Variants in TLE2 observed in about 807,000 individuals in gnomAD.
TLE2 encodes TLE family member 2, transcriptional corepressor, also known as transducin-like enhancer protein 2.
A neutral mutation model predicts 97.2 loss-of-function variants in TLE2; 74 were observed. That is an observed-to-expected ratio of 0.76 (90% CI 0.63 to 0.92). The LOEUF (loss-of-function observed/expected upper bound fraction) is 0.92, where lower values mean the gene tolerates loss of function less well. Ranked by LOEUF, TLE2 falls within the 40% of genes least tolerant of loss-of-function variation. The pLI, the probability that TLE2 is intolerant of heterozygous loss-of-function variation, is 0.00. For synonymous variants in TLE2, 499 were observed against 432.1 expected, an observed-to-expected ratio of 1.15 and a Z score of -1.92; for missense variants, 1,038 against 1,008.7, an observed-to-expected ratio of 1.03 and a Z score of -0.39.
intron 8 of TLE2, among the ~76,000 whole-genome samples, chr19:3,017,335 G>A (rs1381290692): frequency 6.6e-6 from 1 of 151,014 alleles, no homozygotes; most frequent in Non-Finnish European, 1.5e-5. Context: ...ACAGGGTTTT[G>A]CCATGTTGGC....
intron 4 of TLE2, 39 bp downstream of exon 4, chr19:3,027,790 A>C (rs1469118564): frequency 6.3e-7 from 1 of 1,591,440 alleles, no homozygotes; most frequent in Non-Finnish European, 8.6e-7. Flanking sequence ...CCAGACCCCC[A>C]CCCTCCCTCC....
intron 18 of TLE2, among the ~76,000 whole-genome samples, chr19:3,002,047 C>CT (rs1249148927): frequency 2.0e-5 from 3 of 152,204 alleles, no homozygotes; most frequent in Non-Finnish European, 4.4e-5. Flanking sequence ...ATCTGCCTGC[C>CT]TTGGCCTCCC....
At chr19:3,008,833 G>C in intron 14 of TLE2, 36 bp downstream of exon 14, 1 of 1,489,890 alleles carries the variant, frequency 6.7e-7, no homozygotes. Flanking sequence ...GGGCTGGCCC[G>C]GGACCCCAGG....
intron 1 of TLE2, among the ~76,000 whole-genome samples, chr19:3,041,522 G>A (rs1298009165): frequency 6.6e-6 from 1 of 152,070 alleles, no homozygotes; most frequent in African/African-American, 2.4e-5. Context: ...ACCCTCCTCG[G>A]CTCAAATGTC....
At chr19:3,009,760 A>C (rs2089553416) in intron 12 of TLE2, 58 bp from the exon 13 acceptor site, 5 of 1,543,164 alleles carry the variant, frequency 3.2e-6, no homozygotes, top group Non-Finnish European at 4.4e-6. Flanking sequence ...CCCGCCTCCC[A>C]CTGCCTTGGG....
intron 2 of TLE2, 76 bp from the exon 3 acceptor site, chr19:3,028,458 C>A (rs1454903662): frequency 1.0e-5 from 15 of 1,433,134 alleles, no homozygotes; most frequent in African/African-American, 1.4e-5. Flanking sequence ...GGCTGGATCT[C>A]CCCCTCCCGA....
At chr19:3,004,579 C>T (rs956706926) in intron 17 of TLE2, among the ~76,000 whole-genome samples, 5 of 140,252 alleles carry the variant, frequency 3.6e-5, no homozygotes, top group African/African-American at 1.4e-4. Context: ...GCGCAGGTTG[C>T]AGGGAGCTGA....
At chr19:3,006,109 G>T in intron 15 of TLE2, 141 bp from the exon 16 acceptor site, 2 of 1,107,532 alleles carry the variant, frequency 1.8e-6, no homozygotes, top group East Asian at 2.3e-5. Flanking sequence ...TGGCTGGTGA[G>T]CCCCGCCCCT....
intron 5 of TLE2, chr19:3,020,024 T>C (rs1363964107): frequency 7.5e-6 from 4 of 534,268 alleles, no homozygotes; most frequent in African/African-American, 1.9e-5. Flanking sequence ...GGCTCACGCC[T>C]GGAATCCCAG....
At chr19:3,046,008 A>G (rs1249717650), upstream of TLE2, among the ~76,000 whole-genome samples, 1 of 152,162 alleles carries the variant, frequency 6.6e-6, no homozygotes, top group Non-Finnish European at 1.5e-5. Context: ...GAGGCGTGAT[A>G]GATGTTCAGG....
Position 3,009,619 on chromosome 19 carries a change from AG to A in TLE2, c.1095del (p.Ser366ProfsTer26). ...LGSHSTLNGDLSVPSSYVSLH... is the reference protein window; with the variant it reads ...LGSHSTLNGDXSVPSSYVSLH... Reference sequence around the variant, plus strand: ...AGGCTGACGTAGGAGCTGGGCACGGAGAGGTCTCCGTTGAGAGTGCTGTGGG... The same window carrying A: ...AGGCTGACGTAGGAGCTGGGCACGGAAGGTCTCCGTTGAGAGTGCTGTGGG... On this transcript the variant is annotated frameshift_variant, in exon 13 of 20. Transcript: ENST00000262953. LOFTEE classifies it high-confidence loss of function. The A allele has an allele frequency of 6.2e-7, 1 of 1,613,344 alleles. No homozygotes were observed.
upstream of TLE2, among the ~76,000 whole-genome samples, chr19:3,030,204 C>T (rs565657293): frequency 6.6e-6 from 1 of 152,226 alleles, no homozygotes; most frequent in Non-Finnish European, 1.5e-5. Flanking sequence ...CACCAGTGGA[C>T]TGGGCTGTCT....
intron 5 of TLE2, among the ~76,000 whole-genome samples, chr19:3,022,923 T>C (rs1027933477): frequency 1.3e-5 from 2 of 152,092 alleles, no homozygotes; most frequent in African/African-American, 4.8e-5. Flanking sequence ...TGTACATGAG[T>C]GGGCGTGGCT....
intron 19 of TLE2, among the ~76,000 whole-genome samples, chr19:2,998,867 C>T (rs2089286849): frequency 6.6e-6 from 1 of 152,198 alleles, no homozygotes; most frequent in Non-Finnish European, 1.5e-5. Flanking sequence ...TCACACAGCA[C>T]AGCAGAGGGC....
In TLE2 at chr19:2,997,794, G is replaced by A; in HGVS notation, c.*54C>T. 1 of 1,343,464 alleles carries A rather than the reference G, an allele frequency of 7.4e-7. No individual in the cohort carries two copies. The highest frequency in any genetic ancestry group is 1.2e-5 in the South Asian group (1 of 80,706). 83.2% of individuals were successfully genotyped at this position (1,343,464 alleles called of 1,614,324 possible). A position where few individuals can be genotyped will look rare whatever the true frequency, so the allele number is the denominator to read the frequency against. On this transcript the variant is annotated 3_prime_UTR_variant, in exon 20 of 20. Coordinates refer to ENST00000262953, the MANE Select transcript of TLE2 (RefSeq NM_003260.5). ...GGCGGCTGCTAGGATGTCTGTCCTG[G>A]CTGCTGATTCCCCTGGGAGTCTGGA... is the stretch of plus-strand genomic sequence containing the variant.
intron 7 of TLE2, among the ~76,000 whole-genome samples, chr19:3,018,625 A>AT: frequency 7.1e-6 from 1 of 141,184 alleles, no homozygotes; most frequent in South Asian, 2.3e-4. Context: ...ATTTATTTTA[A>AT]TTTTTTTGAG....
chr19:3,012,761 G>C (rs543145520), intron 11 of TLE2, among the ~76,000 whole-genome samples: 17 of 151,976 alleles, frequency 1.1e-4, no homozygotes, highest in Admixed American at 1.1e-3. Context: ...TCATGTCATC[G>C]CCTCCCCTGC....
intron 11 of TLE2, among the ~76,000 whole-genome samples, chr19:3,012,386 T>C (rs1395389006): frequency 6.6e-6 from 1 of 152,130 alleles, no homozygotes; most frequent in African/African-American, 2.4e-5. Flanking sequence ...CGGCTAACTT[T>C]TTAAATTTTT....
At chr19:3,003,412 C>T (rs1330497291) in intron 17 of TLE2, among the ~76,000 whole-genome samples, 4 of 152,016 alleles carry the variant, frequency 2.6e-5, no homozygotes, top group Non-Finnish European at 5.9e-5. Context: ...CCGAGGCGGG[C>T]GGATCATCTG....
Sources: allele counts gnomAD v4.1 joint callset (sites outside exome capture counted in the v4.1 genomes callset), GRCh38; gene constraint gnomAD v4.1.1; transcripts MANE v1.5; gene names NCBI Gene and HGNC (gene_info 2026-07-23, HGNC 2026-07-21).